Variants in SHF observed in about 807,000 individuals in gnomAD.
SHF encodes Src homology 2 domain containing F.
Under a neutral mutation model 42.4 loss-of-function variants are expected in SHF, and 30 were observed. That is an observed-to-expected ratio of 0.71 (90% CI 0.53 to 0.96). SHF has a LOEUF of 0.96. SHF is among the 40% of genes least tolerant of loss of function. The pLI is 0.00. For missense variants in SHF, 598 were observed against 634.0 expected, an observed-to-expected ratio of 0.94 and a Z score of 0.61; for synonymous variants, 264 against 269.9, an observed-to-expected ratio of 0.98 and a Z score of 0.21.
chr15:45,195,834 G>A (rs577249549), intron 2 of SHF, among the ~76,000 whole-genome samples: 2 of 152,274 alleles, frequency 1.3e-5, no homozygotes, highest in East Asian at 1.9e-4. Context: ...TGCTGTCCAA[G>A]TCTGGTCCTT....
chr15:45,199,329 T>C (rs1898990348), intron 1 of SHF, among the ~76,000 whole-genome samples: 1 of 152,162 alleles, frequency 6.6e-6, no homozygotes, highest in East Asian at 1.9e-4. Context: ...TTATTGTCCA[T>C]CAGTGCTCTC....
Position 45,167,958 on chromosome 15 carries a change from G to A in SHF, c.1456C>T (p.Arg486Trp), listed in dbSNP as rs1897301583. ...CCCTGGCTTCACATCTAAAGAGTCC[G>A]GATGGCCACAGGGTAGAGCAGGGAC... ...HMSLLYPVAI[R>W]TL Residue 486 changes from arginine to tryptophan, a missense_variant, in exon 7 of 7, where the codon CGG becomes TGG. Coordinates refer to ENST00000690270, the MANE Select transcript of SHF (RefSeq NM_001394037.1). 1.2e-6 allele frequency: 2 copies of A among 1,606,254 alleles called. No individual in the cohort carries two copies. The highest frequency in any genetic ancestry group is 1.1e-5 in the South Asian group (1 of 89,546).
intron 1 of SHF, among the ~76,000 whole-genome samples, chr15:45,199,663 G>A (rs1219003268): frequency 1.3e-5 from 2 of 152,118 alleles, no homozygotes; most frequent in Non-Finnish European, 2.9e-5. Flanking sequence ...ACACGTCCTC[G>A]AGAAGCGCCT....
chr15:45,187,363 G>C (rs1297245649), intron 1 of SHF, 91 bp downstream of exon 1: 29 of 1,186,808 alleles, frequency 2.4e-5, no homozygotes, highest in Non-Finnish European at 2.8e-5. Context: ...GACACCGAGG[G>C]GCCCGGGCCA....
Position 45,187,787 on chromosome 15 carries a change from C to G in SHF, c.165G>C (p.Leu55=). 1.2e-6 allele frequency: 1 copy of G among 841,688 alleles called. No homozygotes were observed. The highest frequency in any genetic ancestry group is 1.6e-6 in the Non-Finnish European group (1 of 641,224). The allele number at this position is 841,688 out of a possible 1,614,324, so 52.1% of individuals were successfully genotyped here. A position where few individuals can be genotyped will look rare whatever the true frequency, so the allele number is the denominator to read the frequency against. ...GGVAKWLREH[L]GFRGGGGGGG... is the part of the protein sequence containing the mutation. ...CGCCGCCGCCCCCCCCGCGGAAGCC[C>G]AGGTGCTCCCGGAGCCACTTGGCTA... The change falls in exon 1 of 7, where the codon CTG becomes CTC. Residue 55 remains leucine (L), a synonymous_variant. Coordinates refer to ENST00000690270, the MANE Select transcript of SHF (RefSeq NM_001394037.1).
intron 2 of SHF, among the ~76,000 whole-genome samples, chr15:45,196,175 G>T (rs1332287990): frequency 7.1e-6 from 1 of 140,980 alleles, no homozygotes; most frequent in Admixed American, 7.7e-5. Flanking sequence ...TCAGCTCACT[G>T]CAACCTCCGC....
chr15:45,198,746 T>G, intron 2 of SHF: 2 of 1,596,452 alleles, frequency 1.3e-6, no homozygotes, highest in Non-Finnish European at 1.7e-6. Flanking sequence ...CTTCCCAGTT[T>G]GCGCGTCATT....
intron 4 of SHF, 34 bp downstream of exon 4, chr15:45,173,542 A>G (rs1310427450): frequency 2.5e-5 from 37 of 1,466,422 alleles, no homozygotes; most frequent in Non-Finnish European, 3.2e-5. Flanking sequence ...GGGTGAGGAC[A>G]TGTCACCCTG....
chr15:45,176,477 T>C (rs1179050134), intron 2 of SHF, among the ~76,000 whole-genome samples: 1 of 151,862 alleles, frequency 6.6e-6, no homozygotes, highest in East Asian at 1.9e-4. Context: ...CGGCAAAGAC[T>C]TTCTTTCTGA....
chr15:45,184,905 C>T (rs1358384336), intron 1 of SHF, among the ~76,000 whole-genome samples: 1 of 152,230 alleles, frequency 6.6e-6, no homozygotes, highest in Non-Finnish European at 1.5e-5. Flanking sequence ...ACCCCTGCAC[C>T]CCTGCCAACT....
intron 4 of SHF, among the ~76,000 whole-genome samples, chr15:45,173,069 C>A (rs1183366440): frequency 4.6e-5 from 7 of 152,248 alleles, no homozygotes; most frequent in Non-Finnish European, 1.0e-4. Flanking sequence ...ATGCTCATGC[C>A]TCTGCACACA....
chr15:45,189,204 A>G (rs1898628152), upstream of SHF, among the ~76,000 whole-genome samples: 1 of 150,506 alleles, frequency 6.6e-6, no homozygotes, highest in African/African-American at 2.4e-5. Flanking sequence ...AAAAAAAAAA[A>G]AAAAGAAAAA....
chr15:45,196,242 T>C (rs964169611), intron 2 of SHF, among the ~76,000 whole-genome samples: 1 of 152,050 alleles, frequency 6.6e-6, no homozygotes, highest in African/African-American at 2.4e-5. Context: ...TACAGGGGCA[T>C]GCCACCACAC....
At position 45,168,092 on chromosome 15, in the gene SHF, T is replaced by C. The variant is rs1329209063; in HGVS notation, c.1322A>G (p.Lys441Arg). 1 of 1,611,112 alleles carries C rather than the reference T, an allele frequency of 6.2e-7. No individual in the cohort carries two copies. Among genetic ancestry groups the C allele is most frequent in the East Asian group, 2.2e-5 (1 of 44,794 alleles). Residue 441 changes from lysine to arginine, a missense_variant, in exon 7 of 7, where the codon AAG (lysine) becomes AGG (arginine). Coordinates refer to ENST00000690270, the MANE Select transcript of SHF (RefSeq NM_001394037.1). Reference protein sequence around the residue: ...GFMHMKLSRTKEHKYVLGQNS... With the variant: ...GFMHMKLSRTREHKYVLGQNS... ...CTGGCCCAGCACATATTTGTGTTCC[T>C]TGGTTCGGGACAGCTTCATGTGCAT...
intron 2 of SHF, among the ~76,000 whole-genome samples, chr15:45,176,029 A>T (rs1471964308): frequency 6.6e-6 from 1 of 152,018 alleles, no homozygotes; most frequent in Non-Finnish European, 1.5e-5. Flanking sequence ...CATGTTGGCC[A>T]GGCTGGTCTC....
chr15:45,176,077 T>C (rs1174861200), intron 2 of SHF, among the ~76,000 whole-genome samples: 3 of 151,980 alleles, frequency 2.0e-5, no homozygotes, highest in Non-Finnish European at 4.4e-5. Context: ...GCCTCGGCCT[T>C]CCAAAGTGCT....
intron 1 of SHF, among the ~76,000 whole-genome samples, chr15:45,181,412 C>T (rs73425663): frequency 0.056 from 8,583 of 152,330 alleles, 541 homozygotes; most frequent in East Asian, 0.29. Flanking sequence ...GAACCCAGGC[C>T]TGCTTTCCTG....
intron 1 of SHF, chr15:45,199,986 AAAAAAAAAG>A: frequency 9.8e-6 from 1 of 102,346 alleles, no homozygotes; most frequent in African/African-American, 3.2e-5. Flanking sequence ...AAAAAAAAAA[AAAAAAAAAG>A]ATTTTTCCTT....
upstream of SHF, among the ~76,000 whole-genome samples, chr15:45,190,705 T>A (rs1898688857): frequency 1.3e-5 from 2 of 151,502 alleles, no homozygotes; most frequent in South Asian, 4.2e-4. Context: ...AGACAGGAGG[T>A]CGGCATTAGC....
Sources: gnomAD v4.1 joint callset for allele counts (sites outside exome capture counted in the v4.1 genomes callset) on GRCh38, gnomAD v4.1.1 for gene constraint, MANE v1.5 for transcripts, NCBI Gene and HGNC (gene_info 2026-07-23, HGNC 2026-07-21) for gene names.